ANO4: variants seen among roughly 807,000 people sequenced by gnomAD.
The protein encoded by ANO4 is anoctamin 4, also known as anoctamin-4.
Under a neutral mutation model 141.9 loss-of-function variants are expected in ANO4, and 69 were observed. That is an observed-to-expected ratio of 0.49 (90% CI 0.40 to 0.59). The LOEUF (loss-of-function observed/expected upper bound fraction) is 0.59. ANO4 is among the 20% of genes least tolerant of loss of function. The probability of loss-of-function intolerance (pLI) is 0.00; values close to 1 mark genes in which losing one functional copy is unlikely to be tolerated. For missense variants in ANO4, 894 were observed against 1,162.2 expected (o/e 0.77, Z 3.36); for synonymous variants, 350 against 394.3 (o/e 0.89, Z 1.33).
At chr12:100,779,902 A>G (rs1471314874) in intron 3 of ANO4, among the ~76,000 whole-genome samples, 1 of 152,182 alleles carries the variant, frequency 6.6e-6, no homozygotes, top group Non-Finnish European at 1.5e-5. Flanking sequence ...TAGGGCTTTC[A>G]TGCTCCAAAA....
chr12:100,824,671 T>C (rs1002544105), intron 1 of ANO4, among the ~76,000 whole-genome samples: 21 of 152,148 alleles, frequency 1.4e-4, no homozygotes, highest in African/African-American at 5.1e-4. Context: ...AAATGTGTGA[T>C]GCATAAAGCA....
At chr12:100,974,215 C>T (rs2044056688) in intron 6 of ANO4, among the ~76,000 whole-genome samples, 1 of 151,938 alleles carries the variant, frequency 6.6e-6, no homozygotes, top group African/African-American at 2.4e-5. Context: ...GTATAGTTTC[C>T]AGAATTCCTT....
At chr12:100,810,610 G>A (rs543855096) in intron 1 of ANO4, among the ~76,000 whole-genome samples, 1 of 152,256 alleles carries the variant, frequency 6.6e-6, no homozygotes, top group Admixed American at 6.5e-5. Context: ...GATTCTGGAG[G>A]TGGTGAGAGG....
chr12:101,047,544 A>G (rs1223004544), intron 13 of ANO4, among the ~76,000 whole-genome samples: 1 of 152,188 alleles, frequency 6.6e-6, no homozygotes, highest in Non-Finnish European at 1.5e-5. Context: ...AAGGAACAAT[A>G]AAGTATACTT....
intron 22 of ANO4, among the ~76,000 whole-genome samples, chr12:101,104,663 AT>A (rs1237383666): frequency 6.6e-5 from 4 of 60,904 alleles, no homozygotes; most frequent in Admixed American, 3.5e-4. Context: ...ATATATATAT[AT>A]ATATATAAAT....
chr12:101,045,855 C>T lies in ANO4; in HGVS notation c.1251+2220C>T, dbSNP rs184880383. ...ACCAGCTGCCTTGGCTCCAGGCTTA[C>T]GTTTTCCTTCCCTTGTCTCCTTAAG... On this transcript the variant is annotated intron_variant, in intron 13 of 27. Transcript: ENST00000392977. 2.0e-4 allele frequency among the ~76,000 whole-genome samples: 30 copies of T among 152,332 alleles called. No individual in the cohort carries two copies. In the East Asian group the frequency reaches 3.3e-3, roughly 17 times the overall value.
intron 6 of ANO4, among the ~76,000 whole-genome samples, chr12:100,971,810 G>A (rs1198751740): frequency 6.6e-6 from 1 of 151,330 alleles, no homozygotes; most frequent in East Asian, 2.0e-4. Context: ...ATGTATTTCT[G>A]TAGATACAAG....
chr12:100,953,452 C>T (rs1233992726), intron 5 of ANO4, among the ~76,000 whole-genome samples: 1 of 152,180 alleles, frequency 6.6e-6, no homozygotes, highest in Non-Finnish European at 1.5e-5. Context: ...TGCAGCACTG[C>T]CTCTTGAGGC....
At chr12:101,066,927 T>C in intron 14 of ANO4, 3 of 799,334 alleles carry the variant, frequency 3.8e-6, no homozygotes, top group Non-Finnish European at 6.8e-6. Flanking sequence ...GAGTTTTCTG[T>C]TACAAGGCAA....
rs184537152 is a variant in ANO4 at position 100,718,693 on chromosome 12, A to G, written c.22+1146A>G. ...AAATTGTGAGCAGATTACAAATTTC[A>G]GTCTGGTGGCCTGTTTTTTCTTTCC... On this transcript the variant is annotated intron_variant, in intron 1 of 29. Coordinates refer to the ANO4 transcript ENST00000644049. 6.6e-5 allele frequency among the ~76,000 whole-genome samples: 10 copies of G among 152,316 alleles called. No homozygotes were observed. In the East Asian group the frequency reaches 1.9e-3, roughly 29 times the overall value.
At chr12:100,860,727 G>A (rs1011248878) in intron 1 of ANO4, among the ~76,000 whole-genome samples, 1 of 152,066 alleles carries the variant, frequency 6.6e-6, no homozygotes, top group Non-Finnish European at 1.5e-5. Flanking sequence ...CAGCTTTCCT[G>A]GAACTTCTAT....
In ANO4 at chr12:100,762,769, T is replaced by G. The variant is rs60330710; in HGVS notation, c.358+22664T>G. 3.9e-5 allele frequency among the ~76,000 whole-genome samples: 6 copies of G among 152,228 alleles called. No individual in the cohort carries two copies. In the East Asian group the frequency reaches 1.2e-3, roughly 30 times the overall value. ...CTAATATTGACATGTCCTGAACACATACTCTGTGCCATGCCTCGTCTGTGG... is the reference window on the plus strand; with the variant it reads ...CTAATATTGACATGTCCTGAACACAGACTCTGTGCCATGCCTCGTCTGTGG... On this transcript the variant is annotated intron_variant, in intron 3 of 29. Transcript: ENST00000644049.
intron 1 of ANO4, among the ~76,000 whole-genome samples, chr12:100,797,390 A>G (rs1379063549): frequency 6.6e-6 from 1 of 150,792 alleles, no homozygotes; most frequent in Non-Finnish European, 1.5e-5. Flanking sequence ...TCCTTGTCTC[A>G]CAGCATGGTG....
At position 100,932,833 on chromosome 12, in the gene ANO4, A is replaced by G. The variant is rs186732547; in HGVS notation, c.161-6482A>G. Among the ~76,000 whole-genome samples, 652 of 152,248 alleles carry G rather than the reference A, an allele frequency of 4.3e-3. 4 individuals carry two copies. Among genetic ancestry groups the G allele is most frequent in the African/African-American group, 0.014 (592 of 41,552 alleles). On this transcript the variant is annotated intron_variant, in intron 3 of 27. Transcript: ENST00000392977. Reference sequence around the variant, plus strand: ...CTCTTTAGCTGATTTTTCGTCTCCCAGGCAATTTAAGGTCCTTGATCCTCG... The same window carrying G: ...CTCTTTAGCTGATTTTTCGTCTCCCGGGCAATTTAAGGTCCTTGATCCTCG...
At chr12:100,970,679 T>TC (rs1405582245) in intron 5 of ANO4, among the ~76,000 whole-genome samples, 18 of 63,574 alleles carry the variant, frequency 2.8e-4, no homozygotes, top group African/African-American at 5.6e-4. Context: ...CCTTCCTTCC[T>TC]TCCTTCCTTC....
At chr12:100,899,240 G>T (rs2040480510) in intron 1 of ANO4, among the ~76,000 whole-genome samples, 1 of 152,206 alleles carries the variant, frequency 6.6e-6, no homozygotes, top group Non-Finnish European at 1.5e-5. Context: ...TGTGGGCTTA[G>T]AAACAACATC....
chr12:101,124,871 T>C (rs1030105549), intron 26 of ANO4, among the ~76,000 whole-genome samples: 8 of 152,246 alleles, frequency 5.3e-5, no homozygotes, highest in Non-Finnish European at 1.0e-4. Flanking sequence ...TTGGTTACTG[T>C]AGCCTTTTAG....
At chr12:101,078,075 A>G (rs750100649) in intron 14 of ANO4, among the ~76,000 whole-genome samples, 2 of 152,216 alleles carry the variant, frequency 1.3e-5, no homozygotes, top group East Asian at 1.9e-4. Flanking sequence ...CAGTGTCTGC[A>G]TACTACTAAG....
chr12:100,791,853 G>A (rs2034059709), upstream of ANO4, among the ~76,000 whole-genome samples: 1 of 152,174 alleles, frequency 6.6e-6, no homozygotes, highest in Admixed American at 6.5e-5. Flanking sequence ...GGAAAGATAG[G>A]TGGAGCCATT....
Sources: allele counts gnomAD v4.1 joint callset (sites outside exome capture counted in the v4.1 genomes callset), GRCh38; gene constraint gnomAD v4.1.1; transcripts MANE v1.5; gene names NCBI Gene and HGNC (gene_info 2026-07-23, HGNC 2026-07-21).